ST8SIA6: variants seen among roughly 807,000 people sequenced by gnomAD.
The protein encoded by ST8SIA6 is alpha-2,8-sialyltransferase 8F.
ST8SIA6 carries 39 observed loss-of-function variants against 33.6 expected under a neutral mutation model. The ratio of observed to expected loss-of-function variants is 1.16; its 90% CI spans 0.90 to 1.52. The LOEUF is 1.52. ST8SIA6 is among the 40% of genes most tolerant of loss of function. The probability of loss-of-function intolerance (pLI) is 0.00; values close to 1 mark genes in which losing one functional copy is unlikely to be tolerated. For missense variants in ST8SIA6, 441 were observed against 443.8 expected (o/e 0.99, Z 0.06); for synonymous variants, 172 against 167.2 (o/e 1.03, Z -0.22).
chr10:17,322,056 T>C (rs899565851), intron 7 of ST8SIA6, among the ~76,000 whole-genome samples: 3 of 148,998 alleles, frequency 2.0e-5, no homozygotes, highest in African/African-American at 7.5e-5. Flanking sequence ...TGACCTGTGA[T>C]TGCACTGCTG....
intron 4 of ST8SIA6, among the ~76,000 whole-genome samples, chr10:17,347,578 GAAGT>G (rs1474638351): frequency 3.3e-5 from 5 of 152,112 alleles, no homozygotes; most frequent in Non-Finnish European, 5.9e-5. Context: ...TCTTTGGAAA[GAAGT>G]AAGGGGTGCA....
At chr10:17,449,091 CAT>C (rs1330736389) in intron 2 of ST8SIA6, among the ~76,000 whole-genome samples, 1 of 151,406 alleles carries the variant, frequency 6.6e-6, no homozygotes, top group African/African-American at 2.4e-5. Flanking sequence ...AAAATCTAAA[CAT>C]ATATAGAAAC....
At chr10:17,358,373 G>A (rs1380355827) in intron 4 of ST8SIA6, among the ~76,000 whole-genome samples, 1 of 152,160 alleles carries the variant, frequency 6.6e-6, no homozygotes, top group Non-Finnish European at 1.5e-5. Flanking sequence ...TAAAAAAAGA[G>A]AACCATACTG....
intron 6 of ST8SIA6, among the ~76,000 whole-genome samples, chr10:17,323,383 A>G (rs1168972552): frequency 6.7e-6 from 1 of 150,238 alleles, no homozygotes; most frequent in East Asian, 2.0e-4. Context: ...TGTTGTATAA[A>G]ATATACACCT....
chr10:17,344,554 C>T (rs931861680), intron 4 of ST8SIA6, among the ~76,000 whole-genome samples: 2 of 152,210 alleles, frequency 1.3e-5, no homozygotes, highest in African/African-American at 4.8e-5. Context: ...CTGGGTCCCT[C>T]CCACAACATA....
At chr10:17,374,743 T>TAAAAA (rs1407078648) in intron 3 of ST8SIA6, among the ~76,000 whole-genome samples, 19 of 69,840 alleles carry the variant, frequency 2.7e-4, no homozygotes, top group African/African-American at 8.5e-4. Flanking sequence ...AATAAATAAA[T>TAAAAA]AAATAATAAA....
In ST8SIA6 at chr10:17,390,523, G is replaced by A. The variant is rs377390705; in HGVS notation, c.290+8C>T. 1.7e-5 allele frequency: 28 copies of A among 1,603,224 alleles called. No homozygotes were observed. Among genetic ancestry groups the A allele is most frequent in the Non-Finnish European group, 2.2e-5 (26 of 1,171,870 alleles). On this transcript the variant is annotated splice_region_variant and intron_variant, in intron 3 of 7. Coordinates refer to ENST00000377602, the MANE Select transcript of ST8SIA6 (RefSeq NM_001004470.3). ...AAAAGGAAATTAAATGTGAAGAGTA[G>A]AACTTACCCTTTCGTTTTGTTAGAG...
At chr10:17,374,071 CCA>C (rs58234998) in intron 3 of ST8SIA6, among the ~76,000 whole-genome samples, 4,355 of 139,014 alleles carry the variant, frequency 0.031, 90 homozygotes, top group African/African-American at 0.051. Context: ...TCAACAACCA[CCA>C]CACACACACA....
At position 17,441,604 on chromosome 10, in the gene ST8SIA6, C is replaced by G. The variant is rs987726507; in HGVS notation, c.200+11955G>C. Among the ~76,000 whole-genome samples, 5 of 152,104 alleles carry G rather than the reference C, an allele frequency of 3.3e-5. No individual in the cohort carries two copies. The East Asian group carries it at 7.8e-4, about 24-fold the overall frequency. On this transcript the variant is annotated intron_variant, in intron 2 of 7. Coordinates refer to ENST00000377602, the MANE Select transcript of ST8SIA6 (RefSeq NM_001004470.3). ...GATTACAGGCGTGCACCACTGCACC[C>G]GGCCCCTGGATCTAAACTTATCTTT... is the stretch of plus-strand genomic sequence containing the variant.
At chr10:17,444,136 GT>G (rs1165020750) in intron 2 of ST8SIA6, among the ~76,000 whole-genome samples, 1 of 151,938 alleles carries the variant, frequency 6.6e-6, no homozygotes, top group African/African-American at 2.4e-5. Context: ...GGGCAGTCAG[GT>G]TTTTTTTCTT....
chr10:17,422,198 G>T (rs1176760929), intron 2 of ST8SIA6, among the ~76,000 whole-genome samples: 1 of 152,130 alleles, frequency 6.6e-6, no homozygotes, highest in Non-Finnish European at 1.5e-5. Context: ...ATATTGAAGA[G>T]CAAAATAAAT....
At chr10:17,385,391 T>G (rs1850297000) in intron 3 of ST8SIA6, among the ~76,000 whole-genome samples, 1 of 152,186 alleles carries the variant, frequency 6.6e-6, no homozygotes, top group South Asian at 2.1e-4. Flanking sequence ...TCACGGTGTC[T>G]GTGTGAAGAG....
chr10:17,349,392 T>C (rs1848958729), intron 4 of ST8SIA6, among the ~76,000 whole-genome samples: 1 of 152,180 alleles, frequency 6.6e-6, no homozygotes, highest in Admixed American at 6.5e-5. Context: ...TAGTAAAATA[T>C]TAATTGTAAG....
intron 4 of ST8SIA6, among the ~76,000 whole-genome samples, chr10:17,341,629 G>A (rs147334599): frequency 1.7e-3 from 260 of 152,140 alleles, no homozygotes; most frequent in African/African-American, 6.0e-3. Flanking sequence ...GGCCAGGTGC[G>A]GTGGCTTATG....
In ST8SIA6 at chr10:17,315,545, A is replaced by G. The variant is rs1400194376; in HGVS notation, c.*5333T>C. Among the ~76,000 whole-genome samples, 1 of 152,086 alleles carries G rather than the reference A, an allele frequency of 6.6e-6. No homozygotes were observed. Among genetic ancestry groups the G allele is most frequent in the Non-Finnish European group, 1.5e-5 (1 of 67,910 alleles). The stretch of plus-strand genomic sequence containing the variant: ...TAACATAATTCTACTCAGTAAATAA[A>G]GGCATAAACTACAGATACACAATCA... On this transcript the variant is annotated 3_prime_UTR_variant, in exon 8 of 8. Transcript: ENST00000377602.
In ST8SIA6 at chr10:17,315,997, A is replaced by C. The variant is rs1198818479; in HGVS notation, c.*4881T>G. Among the ~76,000 whole-genome samples, 1 of 152,034 alleles carries C rather than the reference A, an allele frequency of 6.6e-6. No individual in the cohort carries two copies. Among genetic ancestry groups the C allele is most frequent in the Non-Finnish European group, 1.5e-5 (1 of 67,922 alleles). On this transcript the variant is annotated 3_prime_UTR_variant, in exon 8 of 8. Transcript: ENST00000377602. Reference sequence around the variant, plus strand: ...TTGAATACTAGCTCTGCTCTTATATATAATGCAACCTTATATAAGTTACTT... The same window carrying C: ...TTGAATACTAGCTCTGCTCTTATATCTAATGCAACCTTATATAAGTTACTT...
At chr10:17,354,520 TA>T (rs1849133201) in intron 4 of ST8SIA6, among the ~76,000 whole-genome samples, 1 of 152,194 alleles carries the variant, frequency 6.6e-6, no homozygotes, top group Non-Finnish European at 1.5e-5. Context: ...AGAAATTAGA[TA>T]CCAAGAAAGA....
chr10:17,444,861 G>A (rs1431249506), intron 2 of ST8SIA6, among the ~76,000 whole-genome samples: 1 of 152,218 alleles, frequency 6.6e-6, no homozygotes, highest in African/African-American at 2.4e-5. Flanking sequence ...ATGGAATTAG[G>A]AAGTAGAAAA....
chr10:17,408,560 TGA>T (rs1053477186), intron 2 of ST8SIA6, among the ~76,000 whole-genome samples: 2 of 151,360 alleles, frequency 1.3e-5, no homozygotes, highest in African/African-American at 2.4e-5. Context: ...CTTGGGAGAC[TGA>T]GAGAGGAGAA....
Sources: gnomAD v4.1 joint callset for allele counts (sites outside exome capture counted in the v4.1 genomes callset) on GRCh38, gnomAD v4.1.1 for gene constraint, MANE v1.5 for transcripts, NCBI Gene and HGNC (gene_info 2026-07-23, HGNC 2026-07-21) for gene names.